DNAH6: variants seen among roughly 807,000 people sequenced by gnomAD.
The protein encoded by DNAH6 is axonemal beta dynein heavy chain 6.
Under a neutral mutation model 491.4 loss-of-function variants are expected in DNAH6, and 340 were observed. The observed-to-expected ratio is 0.69, with a 90% CI of 0.63 to 0.76. The LOEUF (loss-of-function observed/expected upper bound fraction) is 0.76, where lower values mean the gene tolerates loss of function less well. Ranked by LOEUF, DNAH6 falls within the 30% of genes least tolerant of loss-of-function variation. The probability of loss-of-function intolerance (pLI) is 0.00; values close to 1 mark genes in which losing one functional copy is unlikely to be tolerated. For missense variants in DNAH6, 4,443 were observed against 4,972.2 expected, an observed-to-expected ratio of 0.89 and a Z score of 3.20; for synonymous variants, 1,603 against 1,686.1, an observed-to-expected ratio of 0.95 and a Z score of 1.21.
At chr2:84,617,875 C>T (rs1168474379) in intron 23 of DNAH6, among the ~76,000 whole-genome samples, 1 of 152,076 alleles carries the variant, frequency 6.6e-6, no homozygotes, top group Admixed American at 6.6e-5. Context: ...TTTAGTACAT[C>T]TCTCTACCAA....
At chr2:84,740,615 GC>G (rs1672433251) in intron 62 of DNAH6, among the ~76,000 whole-genome samples, 1 of 152,130 alleles carries the variant, frequency 6.6e-6, no homozygotes, top group Non-Finnish European at 1.5e-5. Context: ...ACAGTCTGCA[GC>G]AAGGGTTAGA....
rs983671025 is a variant in DNAH6, at chr2:84,703,488, G to T, written c.8155G>T (p.Val2719Leu). The change falls in exon 50 of 77, where the codon GTA (valine) becomes TTA (leucine). Residue 2719 changes from valine (V) to leucine (L), a missense_variant. Val to Leu is a conservative substitution (Grantham distance 32, BLOSUM62 1). This residue lies in a region of DNAH6 where 2,977 missense variants were observed against 3,296.6 expected (regional missense o/e 0.90). Transcript: ENST00000389394. ...ACTAGATCTTTCAGCTTTAGAGCCT[G>T]TACTTTTAGCAAAATCAGAAGATGT... Reference protein sequence around the residue: ...MKLDLSALEPVLLAKSEDVEA... With the variant: ...MKLDLSALEPLLLAKSEDVEA... 1 of 1,551,268 alleles carries T rather than the reference G, an allele frequency of 6.4e-7. No homozygotes were observed. Among genetic ancestry groups the T allele is most frequent in the Admixed American group, 2.0e-5 (1 of 50,926 alleles).
At chr2:84,551,746 T>C (rs1490067888) in intron 9 of DNAH6, among the ~76,000 whole-genome samples, 4 of 152,184 alleles carry the variant, frequency 2.6e-5, no homozygotes, top group Non-Finnish European at 4.4e-5. Flanking sequence ...TTTACAGCAA[T>C]GTTTAAGAAT....
chr2:84,680,440 G>A (rs1693672487), intron 41 of DNAH6, among the ~76,000 whole-genome samples: 1 of 151,728 alleles, frequency 6.6e-6, no homozygotes, highest in Non-Finnish European at 1.5e-5. Context: ...ACTGATGGGA[G>A]GACTTGTTTT....
chr2:84,597,324 AC>A (rs1684697063), intron 18 of DNAH6, among the ~76,000 whole-genome samples: 1 of 152,216 alleles, frequency 6.6e-6, no homozygotes, highest in South Asian at 2.1e-4. Context: ...TTGAATACAC[AC>A]TTCCCCAAAG....
chr2:84,572,884 G>T (rs554156898), intron 11 of DNAH6, among the ~76,000 whole-genome samples: 2 of 152,304 alleles, frequency 1.3e-5, no homozygotes, highest in South Asian at 4.1e-4. Flanking sequence ...TTATTAAAGG[G>T]ACTGAAGTGA....
intron 64 of DNAH6, among the ~76,000 whole-genome samples, chr2:84,780,412 C>T (rs1676568718): frequency 6.6e-6 from 1 of 152,124 alleles, no homozygotes; most frequent in Admixed American, 6.5e-5. Context: ...CGTTTTTTGA[C>T]TTGGCCTAGT....
chr2:84,764,824 T>C (rs1016335046), intron 64 of DNAH6, among the ~76,000 whole-genome samples: 1 of 152,126 alleles, frequency 6.6e-6, no homozygotes, highest in Non-Finnish European at 1.5e-5. Flanking sequence ...TCCAATCCAC[T>C]GTTGATGAGT....
intron 62 of DNAH6, 64 bp from the exon 63 acceptor site, chr2:84,745,016 C>T (rs1000814801): frequency 9.1e-7 from 1 of 1,096,630 alleles, no homozygotes; most frequent in African/African-American, 1.6e-5. Flanking sequence ...AATTACCAAA[C>T]ATTATTTAAT....
intron 53 of DNAH6, 60 bp from the exon 54 acceptor site, chr2:84,707,460 C>G: frequency 7.1e-7 from 1 of 1,413,550 alleles, no homozygotes; most frequent in South Asian, 1.5e-5. Context: ...GGTAAATAAG[C>G]TTTTAATACT....
At chr2:84,523,048 G>C (rs1676294000) in intron 2 of DNAH6, among the ~76,000 whole-genome samples, 2 of 152,010 alleles carry the variant, frequency 1.3e-5, no homozygotes, top group African/African-American at 4.8e-5. Context: ...AATGGTACCA[G>C]CTCTTCTTTG....
At chr2:84,758,860 C>T (rs1206287256) in intron 63 of DNAH6, among the ~76,000 whole-genome samples, 1 of 152,080 alleles carries the variant, frequency 6.6e-6, no homozygotes, top group East Asian at 1.9e-4. Context: ...AAGTTGAAAA[C>T]ATTTCCTCAA....
At chr2:84,552,375 A>G (rs1335731277) in intron 9 of DNAH6, among the ~76,000 whole-genome samples, 1 of 152,236 alleles carries the variant, frequency 6.6e-6, no homozygotes, top group Non-Finnish European at 1.5e-5. Context: ...ACAAATACCC[A>G]GCACTATGCC....
At position 84,672,375 on chromosome 2, in the gene DNAH6, T is replaced by G. The variant is rs892131099; in HGVS notation, c.6503T>G (p.Met2168Arg). Residue 2168 changes from methionine (M) to arginine (R), a missense_variant, in exon 40 of 77, where the codon ATG becomes AGG. This residue lies in a region of DNAH6 where 2,977 missense variants were observed against 3,296.6 expected (regional missense o/e 0.90). Coordinates refer to ENST00000389394, the MANE Select transcript of DNAH6 (RefSeq NM_001370.2). ...GTGATTTTTGTTGATGATTTAAACATGCCCAGACTGGATCGCTATGGCTCT... is the reference window on the plus strand; with the variant it reads ...GTGATTTTTGTTGATGATTTAAACAGGCCCAGACTGGATCGCTATGGCTCT... ...RIVIFVDDLNMPRLDRYGSQP... is the reference protein window; with the variant it reads ...RIVIFVDDLNRPRLDRYGSQP... The G allele has an allele frequency of 6.4e-7, 1 of 1,551,582 alleles. No individual in the cohort carries two copies.
chr2:84,503,766 C>G, the DNAH6 span, among the ~76,000 whole-genome samples: 1 of 151,746 alleles, frequency 6.6e-6, no homozygotes, highest in African/African-American at 2.4e-5. Flanking sequence ...AGTCTCCTGG[C>G]AGATGTATTG....
chr2:84,793,203 CATGCACACACGT>C (rs1336556593), intron 68 of DNAH6, among the ~76,000 whole-genome samples: 2 of 146,630 alleles, frequency 1.4e-5, no homozygotes, highest in East Asian at 3.9e-4. Context: ...CACACACACG[CATGCACACACGT>C]ACACACACAC....
At chr2:84,616,782 A>AG (rs1411690436) in intron 22 of DNAH6, 104 bp from the exon 23 acceptor site, 10 of 520,426 alleles carry the variant, frequency 1.9e-5, no homozygotes, top group Non-Finnish European at 2.6e-5. Context: ...ATAGTTTTCT[A>AG]GGGAGAAGAT....
chr2:84,496,399 G>A, the DNAH6 span, among the ~76,000 whole-genome samples: 2 of 152,108 alleles, frequency 1.3e-5, no homozygotes, highest in Non-Finnish European at 2.9e-5. Context: ...TAGTTTCTGA[G>A]TTTATATATA....
chr2:84,653,175 C>T, intron 33 of DNAH6, 144 bp from the exon 34 acceptor site: 2 of 730,462 alleles, frequency 2.7e-6, no homozygotes, highest in South Asian at 2.0e-5. Flanking sequence ...TGGTACAGCA[C>T]ATAGGACAAA....
Sources: allele counts gnomAD v4.1 joint callset (sites outside exome capture counted in the v4.1 genomes callset), GRCh38; gene constraint gnomAD v4.1.1; regional missense constraint gnomAD v4.1.1; transcripts MANE v1.5; gene names NCBI Gene and HGNC (gene_info 2026-07-23, HGNC 2026-07-21).